Variants in MACROD2 observed in about 807,000 individuals in gnomAD.
MACROD2 encodes ADP-ribose glycohydrolase MACROD2.
In MACROD2, 36 loss-of-function variants were observed where a neutral mutation model predicts 70.4. That is an observed-to-expected ratio of 0.51 (90% CI 0.39 to 0.68). MACROD2 has a LOEUF of 0.68. MACROD2 is among the 30% of genes least tolerant of loss of function. The pLI is 0.00. For synonymous variants in MACROD2, 172 were observed against 178.8 expected (o/e 0.96, Z 0.30); for missense variants, 496 against 538.4 (o/e 0.92, Z 0.78).
intron 7 of MACROD2, among the ~76,000 whole-genome samples, chr20:15,481,662 C>A (rs2047099608): frequency 1.3e-5 from 2 of 151,242 alleles, no homozygotes; most frequent in African/African-American, 4.9e-5. Flanking sequence ...CGTTGTATAG[C>A]TAAAGTCATA....
chr20:14,186,357 C>G (rs1220362952), intron 3 of MACROD2, among the ~76,000 whole-genome samples: 3 of 151,630 alleles, frequency 2.0e-5, no homozygotes, highest in Admixed American at 1.3e-4. Flanking sequence ...TGAAAAAATG[C>G]TCAACATCAC....
chr20:14,060,534 G>A (rs1040288910), intron 2 of MACROD2, among the ~76,000 whole-genome samples: 1 of 152,112 alleles, frequency 6.6e-6, no homozygotes, highest in African/African-American at 2.4e-5. Flanking sequence ...GGAGATAGAC[G>A]ACATTTCTGA....
intron 6 of MACROD2, among the ~76,000 whole-genome samples, chr20:15,346,776 C>T (rs1190905868): frequency 6.6e-6 from 1 of 152,148 alleles, no homozygotes; most frequent in African/African-American, 2.4e-5. Context: ...TAATTCTCTC[C>T]GTTTACGATG....
intron 6 of MACROD2, among the ~76,000 whole-genome samples, chr20:15,422,631 GA>G (rs2146342975): frequency 6.6e-6 from 1 of 152,276 alleles, no homozygotes; most frequent in African/African-American, 2.4e-5. Context: ...GGTAATTCAA[GA>G]AATGACAACA....
chr20:15,625,747 G>A (rs1045861469), intron 8 of MACROD2, among the ~76,000 whole-genome samples: 1 of 151,942 alleles, frequency 6.6e-6, no homozygotes, highest in African/African-American at 2.4e-5. Flanking sequence ...ATGGGTCTTG[G>A]GAATGATTGG....
chr20:14,287,042 G>A (rs2082350690), intron 3 of MACROD2, among the ~76,000 whole-genome samples: 1 of 152,102 alleles, frequency 6.6e-6, no homozygotes, highest in Admixed American at 6.6e-5. Context: ...ACTGCATTGA[G>A]TGATAGGTCT....
intron 4 of MACROD2, among the ~76,000 whole-genome samples, chr20:14,576,229 C>G (rs1159177690): frequency 2.6e-5 from 4 of 152,122 alleles, no homozygotes; most frequent in Non-Finnish European, 5.9e-5. Context: ...TGAGCAGAGG[C>G]TTCAGAATGT....
intron 5 of MACROD2, among the ~76,000 whole-genome samples, chr20:14,865,503 T>C (rs1271674075): frequency 6.6e-6 from 1 of 152,082 alleles, no homozygotes; most frequent in Non-Finnish European, 1.5e-5. Context: ...GAAATTTCCA[T>C]TTAAATACCA....
At chr20:14,387,150 T>C (rs1035380653) in intron 3 of MACROD2, among the ~76,000 whole-genome samples, 1 of 152,244 alleles carries the variant, frequency 6.6e-6, no homozygotes, top group Non-Finnish European at 1.5e-5. Flanking sequence ...TGTCCAAGGC[T>C]AGGCCTCCTC....
intron 15 of MACROD2, among the ~76,000 whole-genome samples, chr20:16,021,257 G>A (rs1257146726): frequency 1.3e-5 from 2 of 152,174 alleles, no homozygotes; most frequent in Non-Finnish European, 2.9e-5. Flanking sequence ...CAGCCTCCAT[G>A]ACTCATGACC....
At chr20:14,081,731 A>C (rs2053997414) in intron 2 of MACROD2, among the ~76,000 whole-genome samples, 1 of 152,216 alleles carries the variant, frequency 6.6e-6, no homozygotes, top group African/African-American at 2.4e-5. Flanking sequence ...TTTGCAAAGA[A>C]TAGTTGGTGG....
At chr20:15,093,357 C>T (rs451572) in intron 5 of MACROD2, among the ~76,000 whole-genome samples, 68,800 of 151,894 alleles carry the variant, frequency 0.45, 18,252 homozygotes, top group Non-Finnish European at 0.6. Context: ...ATTGGTGGGC[C>T]GGGGTCCTTT....
At chr20:14,953,438 C>T (rs1277207934) in intron 5 of MACROD2, among the ~76,000 whole-genome samples, 10 of 152,072 alleles carry the variant, frequency 6.6e-5, no homozygotes, top group Non-Finnish European at 1.5e-4. Context: ...TACCGAGTAG[C>T]TGGGACTACA....
At chr20:14,450,579 AT>A (rs1330950199) in intron 3 of MACROD2, among the ~76,000 whole-genome samples, 1 of 152,116 alleles carries the variant, frequency 6.6e-6, no homozygotes, top group Non-Finnish European at 1.5e-5. Context: ...TGATTTTGGT[AT>A]TTAATATATA....
chr20:15,499,694 C>G, intron 7 of MACROD2, 80 bp from the exon 8 acceptor site: 1 of 1,271,060 alleles, frequency 7.9e-7, no homozygotes, highest in South Asian at 1.2e-5. Context: ...AATGAGAAAA[C>G]TCCAGTATCA....
intron 4 of MACROD2, among the ~76,000 whole-genome samples, chr20:14,532,973 G>A (rs2085324533): frequency 6.6e-6 from 1 of 152,158 alleles, no homozygotes; most frequent in South Asian, 2.1e-4. Flanking sequence ...ATGGGAATCT[G>A]TTGTTTTGGA....
intron 5 of MACROD2, among the ~76,000 whole-genome samples, chr20:14,761,885 T>C (rs2072020314): frequency 6.6e-6 from 1 of 152,122 alleles, no homozygotes; most frequent in Non-Finnish European, 1.5e-5. Context: ...TTGTCAACAA[T>C]GAAAACAAGT....
chr20:14,815,355 T>C (rs2072761891), intron 5 of MACROD2, among the ~76,000 whole-genome samples: 1 of 152,072 alleles, frequency 6.6e-6, no homozygotes, highest in African/African-American at 2.4e-5. Context: ...TGCATTTTGA[T>C]TTAGGATTTT....
At chr20:14,915,237 G>C (rs546069499) in intron 5 of MACROD2, among the ~76,000 whole-genome samples, 1 of 152,298 alleles carries the variant, frequency 6.6e-6, no homozygotes, top group East Asian at 1.9e-4. Flanking sequence ...TTACGAGCGT[G>C]AGTAAAGTAT....
Sources: allele counts gnomAD v4.1 joint callset (sites outside exome capture counted in the v4.1 genomes callset), GRCh38; gene constraint gnomAD v4.1.1; transcripts MANE v1.5; gene names NCBI Gene and HGNC (gene_info 2026-07-23, HGNC 2026-07-21).